The following ST8SIA5 variants were observed in gnomAD, a reference collection of about 807,000 sequenced individuals.
The protein encoded by ST8SIA5 is ST8 alpha-N-acetyl-neuraminide alpha-2,8-sialyltransferase 5, also known as alpha-2,8-sialyltransferase 8E.
In ST8SIA5, 24 loss-of-function variants were observed where a neutral mutation model predicts 40.2. That is an observed-to-expected ratio of 0.60 (90% CI 0.43 to 0.84). The LOEUF is 0.84. Ranked by LOEUF, ST8SIA5 falls within the 40% of genes least tolerant of loss-of-function variation. The probability of loss-of-function intolerance (pLI) is 0.00; values close to 1 mark genes in which losing one functional copy is unlikely to be tolerated. For missense variants in ST8SIA5, 465 were observed against 498.5 expected, an observed-to-expected ratio of 0.93 and a Z score of 0.64; for synonymous variants, 198 against 201.8, an observed-to-expected ratio of 0.98 and a Z score of 0.16.
At position 46,669,338 on chromosome 18, in the gene ST8SIA5, C is replaced by CATGG. The variant is rs2039294758; in HGVS notation, c.*10700_*10703dup. On this transcript the variant is annotated 3_prime_UTR_variant, in exon 7 of 7. Coordinates refer to ENST00000315087, the MANE Select transcript of ST8SIA5 (RefSeq NM_013305.6). ...CCAAAAGGAGATGTCCATCACCCACCATGGGTGCCCTGGGCACACCACGCT... is the reference window on the plus strand; with the variant it reads ...CCAAAAGGAGATGTCCATCACCCACCATGGATGGGTGCCCTGGGCACACCACGCT... 6.6e-6 allele frequency: 1 copy of CATGG among 152,250 alleles called. No individual in the cohort carries two copies. The highest frequency in any genetic ancestry group is 2.1e-4 in the South Asian group (1 of 4,836). The allele number at this position is 152,250 out of a possible 1,614,324, so 9.4% of individuals were successfully genotyped here.
chr18:46,725,330 A>G (rs1463221053), intron 1 of ST8SIA5, among the ~76,000 whole-genome samples: 1 of 152,168 alleles, frequency 6.6e-6, no homozygotes, highest in Non-Finnish European at 1.5e-5. Context: ...TACGAAACTC[A>G]TGGGTCCTTA....
At chr18:46,745,071 T>C (rs1156249946) in intron 1 of ST8SIA5, among the ~76,000 whole-genome samples, 1 of 152,198 alleles carries the variant, frequency 6.6e-6, no homozygotes. Context: ...AAGCAGTGTA[T>C]AGAGGGAAAT....
At chr18:46,694,553 C>T (rs1048120452) in intron 2 of ST8SIA5, among the ~76,000 whole-genome samples, 10 of 152,086 alleles carry the variant, frequency 6.6e-5, no homozygotes, top group Non-Finnish European at 1.3e-4. Flanking sequence ...TGGCTGTGGC[C>T]CACTAAGAAG....
intron 1 of ST8SIA5, among the ~76,000 whole-genome samples, chr18:46,719,610 A>G (rs2039830901): frequency 6.6e-6 from 1 of 151,938 alleles, no homozygotes; most frequent in Non-Finnish European, 1.5e-5. Context: ...CTGCCAAGAA[A>G]CAGCTTCCCA....
chr18:46,717,604 A>G (rs114928033), intron 1 of ST8SIA5, among the ~76,000 whole-genome samples: 1,870 of 152,210 alleles, frequency 0.012, 38 homozygotes, highest in African/African-American at 0.043. Context: ...GAAGCCCACA[A>G]ATGTCAGCCT....
intron 3 of ST8SIA5, among the ~76,000 whole-genome samples, chr18:46,690,728 C>T (rs959102298): frequency 1.3e-5 from 2 of 151,450 alleles, no homozygotes; most frequent in Non-Finnish European, 2.9e-5. Flanking sequence ...ATTCTCCTGC[C>T]TCAGCCTCCC....
rs575014973 is a variant in ST8SIA5, at chr18:46,738,344, G to A, written c.131+18034C>T. Among the ~76,000 whole-genome samples, 34 of 152,126 alleles carry A rather than the reference G, an allele frequency of 2.2e-4. No individual in the cohort carries two copies. The South Asian group carries it at 7.0e-3, about 32-fold the overall frequency. ...GTGCTCCTGAGAGATATCTGAGGAA[G>A]GTACAGGAAACTCACATCCAACACC... On this transcript the variant is annotated intron_variant, in intron 1 of 6. Coordinates refer to ENST00000315087, the MANE Select transcript of ST8SIA5 (RefSeq NM_013305.6).
intron 1 of ST8SIA5, among the ~76,000 whole-genome samples, chr18:46,732,006 G>T (rs995767244): frequency 6.6e-6 from 1 of 152,184 alleles, no homozygotes; most frequent in Admixed American, 6.5e-5. Context: ...TGTCTGTGCT[G>T]CCCAAGTTGT....
At chr18:46,724,222 G>A (rs770542992) in intron 1 of ST8SIA5, among the ~76,000 whole-genome samples, 1 of 152,228 alleles carries the variant, frequency 6.6e-6, no homozygotes, top group East Asian at 1.9e-4. Flanking sequence ...CACCTCCTAC[G>A]TGTGTGTCAG....
chr18:46,679,219 T>A lies in ST8SIA5; in HGVS notation c.*823A>T, dbSNP rs2039360555. 6 of 152,232 alleles carry A rather than the reference T, an allele frequency of 3.9e-5. No homozygotes were observed. Among genetic ancestry groups the A allele is most frequent in the Admixed American group, 1.3e-4 (2 of 15,282 alleles). 9.4% of individuals were successfully genotyped at this position (152,232 alleles called of 1,614,324 possible). ...AATTGCTAAGCACTTATTGAGTCAA[T>A]AACATTGGCTTGGAAGCCATAGTGC... is the stretch of plus-strand genomic sequence containing the variant. On this transcript the variant is annotated 3_prime_UTR_variant, in exon 7 of 7. Coordinates refer to ENST00000315087, the MANE Select transcript of ST8SIA5 (RefSeq NM_013305.6).
chr18:46,675,989 G>A lies in ST8SIA5; in HGVS notation c.*4053C>T, dbSNP rs1030235962. The stretch of plus-strand genomic sequence containing the variant: ...GGAGGATCACTTGAACCCAGGTGTC[G>A]AGGCTGCAGTGAGCCATATTTATAT... On this transcript the variant is annotated 3_prime_UTR_variant, in exon 7 of 7. Coordinates refer to ENST00000315087, the MANE Select transcript of ST8SIA5 (RefSeq NM_013305.6). The A allele has an allele frequency of 6.6e-6, 1 of 152,124 alleles. No homozygotes were observed. Among genetic ancestry groups the A allele is most frequent in the Non-Finnish European group, 1.5e-5 (1 of 68,048 alleles). The allele number at this position is 152,124 out of a possible 1,614,324, so 9.4% of individuals were successfully genotyped here.
rs1469362228 is a variant in ST8SIA5, at chr18:46,673,632, C to G, written c.*6410G>C. 1.3e-5 allele frequency: 2 copies of G among 152,094 alleles called. No homozygotes were observed. Among genetic ancestry groups the G allele is most frequent in the Admixed American group, 1.3e-4 (2 of 15,272 alleles). The allele number at this position is 152,094 out of a possible 1,614,324, so 9.4% of individuals were successfully genotyped here. A position where few individuals can be genotyped will look rare whatever the true frequency, so the allele number is the denominator to read the frequency against. On this transcript the variant is annotated 3_prime_UTR_variant, in exon 7 of 7. Coordinates refer to ENST00000315087, the MANE Select transcript of ST8SIA5 (RefSeq NM_013305.6). ...TCAGAAGGCCATCCTACAGGGCATC[C>G]TAATAAACCCATGTGATCTTCAAAG...
chr18:46,748,488 C>T (rs377114783), intron 1 of ST8SIA5, among the ~76,000 whole-genome samples: 2 of 138,574 alleles, frequency 1.4e-5, no homozygotes, highest in South Asian at 2.3e-4. Context: ...CACTTGAAAC[C>T]GGGAGGCAGA....
chr18:46,736,054 G>T (rs1388417761), intron 1 of ST8SIA5, among the ~76,000 whole-genome samples: 1 of 151,958 alleles, frequency 6.6e-6, no homozygotes, highest in Admixed American at 6.6e-5. Flanking sequence ...AAAGAAACAG[G>T]TAAAATTCAT....
chr18:46,720,301 G>GCC (rs1201131516), intron 1 of ST8SIA5, among the ~76,000 whole-genome samples: 3 of 152,212 alleles, frequency 2.0e-5, no homozygotes, highest in South Asian at 4.2e-4. Flanking sequence ...ACAAGCATGG[G>GCC]CCCCCACCTT....
At chr18:46,736,324 G>T (rs1442486536) in intron 1 of ST8SIA5, among the ~76,000 whole-genome samples, 2 of 152,144 alleles carry the variant, frequency 1.3e-5, no homozygotes, top group Non-Finnish European at 2.9e-5. Flanking sequence ...CTTTCTGCAT[G>T]AATGATGAAT....
At chr18:46,713,746 G>A (rs538697825) in intron 1 of ST8SIA5, among the ~76,000 whole-genome samples, 4 of 152,250 alleles carry the variant, frequency 2.6e-5, no homozygotes, top group Admixed American at 2.0e-4. Flanking sequence ...AAGAAGAGGA[G>A]GACAGAGAAG....
intron 1 of ST8SIA5, among the ~76,000 whole-genome samples, chr18:46,739,759 G>T: frequency 6.6e-6 from 1 of 152,184 alleles, no homozygotes; most frequent in East Asian, 1.9e-4. Flanking sequence ...CCTGTTGGGG[G>T]TGCCATGAGC....
At chr18:46,698,789 G>C (rs752000001) in intron 2 of ST8SIA5, among the ~76,000 whole-genome samples, 3 of 152,206 alleles carry the variant, frequency 2.0e-5, no homozygotes, top group Admixed American at 6.5e-5. Flanking sequence ...GACCCAGCAA[G>C]AGGGCAGCCA....
Sources: allele counts gnomAD v4.1 joint callset (sites outside exome capture counted in the v4.1 genomes callset), GRCh38; gene constraint gnomAD v4.1.1; transcripts MANE v1.5; gene names NCBI Gene and HGNC (gene_info 2026-07-23, HGNC 2026-07-21).